LIPC: variants seen among roughly 807,000 people sequenced by gnomAD.
LIPC encodes lipase C, hepatic type.
LIPC carries 44 observed loss-of-function variants against 50.7 expected under a neutral mutation model. The observed-to-expected ratio is 0.87, with a 90% CI of 0.68 to 1.11. LIPC has a LOEUF of 1.11. LIPC is among the 50% of genes most tolerant of loss of function. The probability of loss-of-function intolerance (pLI) is 0.00; values close to 1 mark genes in which losing one functional copy is unlikely to be tolerated. For synonymous variants in LIPC, 271 were observed against 256.4 expected, an observed-to-expected ratio of 1.06 and a Z score of -0.54; for missense variants, 697 against 648.2, an observed-to-expected ratio of 1.08 and a Z score of -0.82.
At chr15:58,471,838 G>T (rs759520698) in intron 1 of LIPC, among the ~76,000 whole-genome samples, 2 of 152,174 alleles carry the variant, frequency 1.3e-5, no homozygotes. Flanking sequence ...TGCCCTACCA[G>T]TCCAGCCACG....
At chr15:58,476,146 G>A (rs1357072962) in intron 1 of LIPC, among the ~76,000 whole-genome samples, 5 of 152,204 alleles carry the variant, frequency 3.3e-5, no homozygotes, top group Admixed American at 1.3e-4. Flanking sequence ...TAGGCTAAGC[G>A]ATCTGCTCAA....
At position 58,548,333 on chromosome 15, in the gene LIPC, T is replaced by C; in HGVS notation, c.812T>C (p.Ile271Thr). 6.2e-7 allele frequency: 1 copy of C among 1,614,068 alleles called. No homozygotes were observed. The highest frequency in any genetic ancestry group is 1.3e-5 in the African/African-American group (1 of 75,056). ...RHIAQHGFNA[I>T]TQTIKCSHER... ...TCCTTCTTGCCCTGTGTTCCAGCCATCACCCAGACCATAAAATGCTCCCAC... is the reference window on the plus strand; with the variant it reads ...TCCTTCTTGCCCTGTGTTCCAGCCACCACCCAGACCATAAAATGCTCCCAC... The change falls in exon 6 of 9, where the codon ATC (isoleucine) becomes ACC (threonine). Residue 271 changes from isoleucine (I) to threonine (T), a missense_variant. Ile to Thr is a moderately conservative substitution (Grantham distance 89). Coordinates refer to ENST00000299022, the MANE Select transcript of LIPC (RefSeq NM_000236.3).
At position 58,489,919 on chromosome 15, in the gene LIPC, A is replaced by C. The variant is rs186753735; in HGVS notation, c.89-48414A>C. 3.9e-5 allele frequency among the ~76,000 whole-genome samples: 6 copies of C among 152,280 alleles called. No homozygotes were observed. The East Asian group carries it at 1.2e-3, about 30-fold the overall frequency. ...TGACCAAGGACAGCTTGGAGGTTAA[A>C]AGCAAGATGGAGTCAACTATGTCAG... On this transcript the variant is annotated intron_variant, in intron 1 of 8. Transcript: ENST00000299022.
At chr15:58,480,059 G>A (rs1299759901) in intron 1 of LIPC, among the ~76,000 whole-genome samples, 2 of 152,076 alleles carry the variant, frequency 1.3e-5, no homozygotes, top group Non-Finnish European at 2.9e-5. Context: ...TATGGTATCT[G>A]GCATGTGATC....
intron 1 of LIPC, among the ~76,000 whole-genome samples, chr15:58,515,335 A>G (rs970910930): frequency 5.3e-5 from 8 of 152,204 alleles, no homozygotes; most frequent in African/African-American, 1.9e-4. Flanking sequence ...TCTGCAGAAC[A>G]TAGCTATTTG....
In LIPC at chr15:58,545,848, C is replaced by A. The variant is rs1380809968; in HGVS notation, c.681C>A (p.His227Gln). 1.2e-6 allele frequency: 2 copies of A among 1,614,188 alleles called. No homozygotes were observed. The highest frequency in any genetic ancestry group is 1.7e-6 in the Non-Finnish European group (2 of 1,180,012). ...CCATTCATACCTTTACCCGGGAGCA[C>A]ATGGGCCTGAGCGTGGGCATCAAAC... ...VDAIHTFTRE[H>Q]MGLSVGIKQP... The change falls in exon 5 of 9, where the codon CAC becomes CAA. Residue 227 changes from histidine to glutamine, a missense_variant. Coordinates refer to ENST00000299022, the MANE Select transcript of LIPC (RefSeq NM_000236.3).
intron 1 of LIPC, among the ~76,000 whole-genome samples, chr15:58,534,097 G>C (rs542174280): frequency 6.6e-6 from 1 of 152,152 alleles, no homozygotes; most frequent in African/African-American, 2.4e-5. Flanking sequence ...GATGAATGAC[G>C]GTGTTATGAA....
At chr15:58,483,453 G>T (rs1595886863) in intron 1 of LIPC, among the ~76,000 whole-genome samples, 1 of 152,162 alleles carries the variant, frequency 6.6e-6, no homozygotes, top group South Asian at 2.1e-4. Flanking sequence ...CCTGAGGGTA[G>T]AAGAAGATTT....
At chr15:58,448,167 T>G (rs1893768753) in intron 1 of LIPC, among the ~76,000 whole-genome samples, 1 of 152,142 alleles carries the variant, frequency 6.6e-6, no homozygotes, top group Non-Finnish European at 1.5e-5. Flanking sequence ...GCCCAAATGT[T>G]GTCACCAAAT....
At chr15:58,444,623 T>C (rs948239362) in intron 1 of LIPC, among the ~76,000 whole-genome samples, 6 of 152,122 alleles carry the variant, frequency 3.9e-5, no homozygotes, top group African/African-American at 1.4e-4. Flanking sequence ...CACACAGTCT[T>C]CTATGTTTCT....
rs910185683 is a variant in LIPC at position 58,526,799 on chromosome 15, T to A, written c.89-11534T>A. On this transcript the variant is annotated intron_variant, in intron 1 of 8. Transcript: ENST00000299022. ...GCCAACCCCTGGACTAGATATTTCA[T>A]CAACTTCGTTCATCCTCACTACCAC... Among the ~76,000 whole-genome samples the A allele has an allele frequency of 2.6e-4, 40 of 152,344 alleles. 1 individual carries two copies. The highest frequency in any genetic ancestry group is 4.6e-4 in the Non-Finnish European group (31 of 68,030).
At chr15:58,498,919 T>G (rs1056132103) in intron 1 of LIPC, among the ~76,000 whole-genome samples, 1 of 152,184 alleles carries the variant, frequency 6.6e-6, no homozygotes. Flanking sequence ...TTTATACAAA[T>G]AGGAGTGAGC....
chr15:58,472,600 C>T (rs1332694766), intron 1 of LIPC, among the ~76,000 whole-genome samples: 1 of 140,756 alleles, frequency 7.1e-6, no homozygotes, highest in African/African-American at 2.6e-5. Flanking sequence ...AAAAATCTTG[C>T]CCCTTCCCTC....
At position 58,543,413 on chromosome 15, in the gene LIPC, A is replaced by C. The variant is rs114468383; in HGVS notation, c.574+762A>C. On this transcript the variant is annotated intron_variant, in intron 4 of 8. Transcript: ENST00000299022. Reference sequence around the variant, plus strand: ...CCTGCTGATCCCTTCCCATAGCTCTAGGCTTCAACGACACAAGGTTTTTCT... The same window carrying C: ...CCTGCTGATCCCTTCCCATAGCTCTCGGCTTCAACGACACAAGGTTTTTCT... Among the ~76,000 whole-genome samples the C allele has an allele frequency of 3.1e-3, 471 of 152,078 alleles. 5 individuals carry two copies. Among genetic ancestry groups the C allele is most frequent in the African/African-American group, 0.011 (460 of 41,464 alleles).
intron 1 of LIPC, among the ~76,000 whole-genome samples, chr15:58,519,069 G>A (rs1478827286): frequency 6.6e-6 from 1 of 152,088 alleles, no homozygotes; most frequent in Non-Finnish European, 1.5e-5. Flanking sequence ...ACTACACAGG[G>A]TATACAGGAA....
intron 1 of LIPC, among the ~76,000 whole-genome samples, chr15:58,447,953 T>G (rs515889): frequency 6.6e-6 from 1 of 152,100 alleles, no homozygotes; most frequent in Admixed American, 6.5e-5. Flanking sequence ...GGCCTTTGAC[T>G]CAAATCCAAC....
chr15:58,470,757 A>G (rs12905461), intron 1 of LIPC, among the ~76,000 whole-genome samples: 29,145 of 151,906 alleles, frequency 0.19, 3,094 homozygotes, highest in Non-Finnish European at 0.25. Context: ...CAGCCACCAC[A>G]CACAGCTAAT....
At chr15:58,487,666 T>C (rs1429497890) in intron 1 of LIPC, among the ~76,000 whole-genome samples, 2 of 152,218 alleles carry the variant, frequency 1.3e-5, no homozygotes, top group African/African-American at 4.8e-5. Flanking sequence ...AGAAATAGCT[T>C]TCTGTAGAGT....
chr15:58,565,917 A>C (rs1894350960), intron 8 of LIPC: 13 of 971,536 alleles, frequency 1.3e-5, no homozygotes, highest in Non-Finnish European at 1.6e-5. Context: ...AGAATACAAA[A>C]AAAAAAAAAA....
Sources: allele counts gnomAD v4.1 joint callset (sites outside exome capture counted in the v4.1 genomes callset), GRCh38; gene constraint gnomAD v4.1.1; transcripts MANE v1.5; gene names NCBI Gene and HGNC (gene_info 2026-07-23, HGNC 2026-07-21).